CCDC91: variants seen among roughly 807,000 people sequenced by gnomAD.
CCDC91 encodes coiled-coil domain-containing protein 91.
A neutral mutation model predicts 63.2 loss-of-function variants in CCDC91; 48 were observed. The observed-to-expected ratio is 0.76, with a 90% CI of 0.60 to 0.97. The LOEUF is 0.97. CCDC91 is among the 50% of genes least tolerant of loss of function. The pLI is 0.00. For synonymous variants in CCDC91, 167 were observed against 165.8 expected, an observed-to-expected ratio of 1.01 and a Z score of -0.06; for missense variants, 500 against 494.6, an observed-to-expected ratio of 1.01 and a Z score of -0.10.
At chr12:28,438,677 A>G (rs1949030700) in intron 8 of CCDC91, among the ~76,000 whole-genome samples, 1 of 152,128 alleles carries the variant, frequency 6.6e-6, no homozygotes, top group South Asian at 2.1e-4. Context: ...AGGATTTTTC[A>G]ACTTTCTGAT....
chr12:28,508,391 G>A (rs1565494874), intron 12 of CCDC91, among the ~76,000 whole-genome samples: 1 of 151,626 alleles, frequency 6.6e-6, no homozygotes, highest in African/African-American at 2.4e-5. Flanking sequence ...TACCTGATGG[G>A]ATAGCACAGA....
intron 11 of CCDC91, among the ~76,000 whole-genome samples, chr12:28,453,088 A>G (rs551381228): frequency 6.6e-6 from 1 of 152,036 alleles, no homozygotes; most frequent in East Asian, 1.9e-4. Context: ...AAATCTCTAT[A>G]CCTATAGTTG....
intron 8 of CCDC91, among the ~76,000 whole-genome samples, chr12:28,404,866 A>G (rs1946837309): frequency 1.3e-5 from 2 of 152,038 alleles, no homozygotes; most frequent in Non-Finnish European, 2.9e-5. Flanking sequence ...TACTTTTAAT[A>G]TAAATGTGTC....
At chr12:28,397,618 G>A (rs1221583629) in intron 8 of CCDC91, among the ~76,000 whole-genome samples, 1 of 152,118 alleles carries the variant, frequency 6.6e-6, no homozygotes, top group Non-Finnish European at 1.5e-5. Context: ...GTATACATGT[G>A]TATAGATGTA....
At chr12:28,408,834 G>C (rs772257133) in intron 8 of CCDC91, among the ~76,000 whole-genome samples, 1 of 151,842 alleles carries the variant, frequency 6.6e-6, no homozygotes, top group Non-Finnish European at 1.5e-5. Flanking sequence ...TCAGAGACAG[G>C]GTTTCACCAT....
At chr12:28,511,510 G>A (rs77888649) in intron 12 of CCDC91, among the ~76,000 whole-genome samples, 3,741 of 151,746 alleles carry the variant, frequency 0.025, 75 homozygotes, top group South Asian at 0.043. Flanking sequence ...AATGGTGGTC[G>A]TCTGTTTTCC....
chr12:28,403,165 A>C (rs1054805012), intron 8 of CCDC91, among the ~76,000 whole-genome samples: 5 of 152,146 alleles, frequency 3.3e-5, no homozygotes, highest in African/African-American at 1.2e-4. Context: ...TATGGAATGA[A>C]TCAGGAAGTA....
Position 28,302,914 on chromosome 12 carries a change from G to GT in CCDC91, c.110-2734dup, listed in dbSNP as rs763331049. 3 of 152,052 alleles carry GT rather than the reference G, an allele frequency of 2.0e-5. No individual in the cohort carries two copies. In the East Asian group the frequency reaches 5.8e-4, roughly 29 times the overall value. 9.4% of individuals were successfully genotyped at this position (152,052 alleles called of 1,614,324 possible). On this transcript the variant is annotated intron_variant, in intron 3 of 12. Coordinates refer to ENST00000536442, the MANE Select transcript of CCDC91 (RefSeq NM_018318.5). ...ATTTGAAGAGTGGGTTTTGAAAGTG[G>GT]TAATCTGGAATATTCAGTACAGTGA... is the stretch of plus-strand genomic sequence containing the variant.
At chr12:28,223,357 A>G (rs1944071523) in intron 1 of CCDC91, among the ~76,000 whole-genome samples, 1 of 152,098 alleles carries the variant, frequency 6.6e-6, no homozygotes, top group Admixed American at 6.6e-5. Context: ...TACCTGTCTG[A>G]TATTTCCATA....
intron 3 of CCDC91, among the ~76,000 whole-genome samples, chr12:28,295,746 T>G (rs1248087278): frequency 1.3e-5 from 2 of 152,072 alleles, no homozygotes; most frequent in South Asian, 2.1e-4. Context: ...AAAAATTTCT[T>G]AAGGATCTAG....
intron 1 of CCDC91, among the ~76,000 whole-genome samples, chr12:28,214,351 A>C (rs1372495009): frequency 2.0e-5 from 3 of 152,042 alleles, no homozygotes; most frequent in Admixed American, 6.5e-5. Flanking sequence ...TGGTCAGTGG[A>C]AAACTGACCA....
At chr12:28,250,286 T>G (rs1946036458) in intron 1 of CCDC91, among the ~76,000 whole-genome samples, 1 of 152,150 alleles carries the variant, frequency 6.6e-6, no homozygotes, top group South Asian at 2.1e-4. Flanking sequence ...AATTTAGTTA[T>G]TAGTAGTTGG....
At chr12:28,511,661 A>G (rs1939390175) in intron 12 of CCDC91, among the ~76,000 whole-genome samples, 1 of 151,796 alleles carries the variant, frequency 6.6e-6, no homozygotes, top group African/African-American at 2.4e-5. Flanking sequence ...TTGCCAAAAT[A>G]CTTGTTCTTT....
chr12:28,502,371 A>G (rs1429826142), intron 12 of CCDC91, among the ~76,000 whole-genome samples: 1 of 152,010 alleles, frequency 6.6e-6, no homozygotes, highest in Admixed American at 6.6e-5. Context: ...AATCCAACTT[A>G]CAAGGGATGT....
intron 8 of CCDC91, among the ~76,000 whole-genome samples, chr12:28,395,486 C>G (rs1946232080): frequency 6.6e-6 from 1 of 152,204 alleles, no homozygotes; most frequent in South Asian, 2.1e-4. Flanking sequence ...GTCTCCCCTT[C>G]CAGTTTGATA....
intron 1 of CCDC91, among the ~76,000 whole-genome samples, chr12:28,254,060 T>C (rs73083932): frequency 0.014 from 2,205 of 152,360 alleles, 20 homozygotes; most frequent in African/African-American, 0.023. Context: ...GTGTATTCTG[T>C]ATATGTTTTG....
At chr12:28,399,663 C>A (rs1353720811) in intron 8 of CCDC91, among the ~76,000 whole-genome samples, 1 of 152,210 alleles carries the variant, frequency 6.6e-6, no homozygotes, top group Non-Finnish European at 1.5e-5. Context: ...AATGGAGATA[C>A]AGACATTGGA....
intron 11 of CCDC91, among the ~76,000 whole-genome samples, chr12:28,483,633 A>G (rs1951562029): frequency 6.6e-6 from 1 of 152,080 alleles, no homozygotes; most frequent in African/African-American, 2.4e-5. Flanking sequence ...CTCAGACCAC[A>G]CTTGATTATT....
intron 1 of CCDC91, among the ~76,000 whole-genome samples, chr12:28,201,527 G>C (rs4340996): frequency 7.2e-6 from 1 of 138,890 alleles, no homozygotes; most frequent in Non-Finnish European, 1.6e-5. Flanking sequence ...GGGCAGAGAC[G>C]CTCCTCACTT....
Sources: allele counts gnomAD v4.1 joint callset (sites outside exome capture counted in the v4.1 genomes callset), GRCh38; gene constraint gnomAD v4.1.1; transcripts MANE v1.5; gene names NCBI Gene and HGNC (gene_info 2026-07-23, HGNC 2026-07-21).